The following VPS13C variants were observed in gnomAD, a reference collection of about 807,000 sequenced individuals.
VPS13C encodes vacuolar protein sorting 13 homolog C.
In VPS13C, 358 loss-of-function variants were observed where a neutral mutation model predicts 456.8. That is an observed-to-expected ratio of 0.78 (90% CI 0.72 to 0.86). VPS13C has a LOEUF of 0.86. VPS13C is among the 40% of genes least tolerant of loss of function. The probability of loss-of-function intolerance (pLI) is 0.00; values close to 1 mark genes in which losing one functional copy is unlikely to be tolerated. For synonymous variants in VPS13C, 1,578 were observed against 1,486.7 expected (o/e 1.06, Z -1.41); for missense variants, 4,818 against 4,385.4 (o/e 1.10, Z -2.79).
chr15:61,978,574 C>T (rs763848151), intron 23 of VPS13C, 52 bp downstream of exon 23: 2 of 1,583,364 alleles, frequency 1.3e-6, no homozygotes, highest in African/African-American at 1.3e-5. Flanking sequence ...ACGTATATTA[C>T]ACAAACTACC....
chr15:61,940,259 C>T (rs1166912406), intron 47 of VPS13C, among the ~76,000 whole-genome samples: 1 of 152,122 alleles, frequency 6.6e-6, no homozygotes, highest in African/African-American at 2.4e-5. Context: ...AATTTAACTG[C>T]ATTAAAACTT....
intron 48 of VPS13C, chr15:61,935,660 A>T (rs576510197): frequency 6.6e-6 from 1 of 152,336 alleles, no homozygotes; most frequent in South Asian, 2.1e-4. Flanking sequence ...GTATGGTGGC[A>T]CAAACTTCAC....
chr15:61,977,062 A>T lies in VPS13C; in HGVS notation c.2408+20T>A, dbSNP rs1273471650. 3 of 1,520,644 alleles carry T rather than the reference A, an allele frequency of 2.0e-6. No homozygotes were observed. Among genetic ancestry groups the T allele is most frequent in the Non-Finnish European group, 2.7e-6 (3 of 1,106,952 alleles). 94.2% of individuals were successfully genotyped at this position (1,520,644 alleles called of 1,614,324 possible). On this transcript the variant is annotated intron_variant, in intron 24 of 84. Transcript: ENST00000644861. Reference sequence around the variant, plus strand: ...ATTTCACCTGTTGATTTTCTAATATAAAAGAAGTTTATACATTACCTGGCC... The same window carrying T: ...ATTTCACCTGTTGATTTTCTAATATTAAAGAAGTTTATACATTACCTGGCC...
At chr15:61,857,009 TA>T (rs1472511566) in intron 82 of VPS13C, among the ~76,000 whole-genome samples, 2 of 151,702 alleles carry the variant, frequency 1.3e-5, no homozygotes, top group East Asian at 1.9e-4. Context: ...TCAATGGCAA[TA>T]AAAAAAATAA....
At chr15:61,995,089 G>A (rs1169420264) in intron 16 of VPS13C, among the ~76,000 whole-genome samples, 2 of 152,106 alleles carry the variant, frequency 1.3e-5, no homozygotes, top group African/African-American at 4.8e-5. Flanking sequence ...ATTCCCAGTC[G>A]TTCATGCTCT....
At chr15:61,954,345 G>A (rs183854815) in intron 38 of VPS13C, 76 bp downstream of exon 38, 5 of 1,479,894 alleles carry the variant, frequency 3.4e-6, no homozygotes, top group Non-Finnish European at 4.6e-6. Context: ...TCAATTATCT[G>A]TAAGTTTAGT....
chr15:61,945,583 T>G (rs1480314234), intron 45 of VPS13C, 132 bp downstream of exon 45: 1 of 575,294 alleles, frequency 1.7e-6, no homozygotes. Context: ...TCTTTAAATA[T>G]TAACATTCTG....
chr15:61,938,693 T>C (rs2044312061), intron 47 of VPS13C, among the ~76,000 whole-genome samples: 1 of 152,226 alleles, frequency 6.6e-6, no homozygotes. Flanking sequence ...CAGAGAATAC[T>C]ATAATCTTCC....
chr15:61,874,885 G>A lies in VPS13C; in HGVS notation c.10405C>T (p.His3469Tyr). 6.3e-7 allele frequency: 1 copy of A among 1,593,684 alleles called. No homozygotes were observed. The highest frequency in any genetic ancestry group is 1.7e-4 in the Middle Eastern group (1 of 5,964). ...AATATGTGATACATACCTACTGTGT[G>A]TCCAAAGAGGCTTCTCACTCCAATC... ...LVIGVRSLFG[H>Y]TVGGAAGVVS... Residue 3469 changes from histidine to tyrosine, a missense_variant, in exon 77 of 85, where the codon CAC becomes TAC. Coordinates refer to ENST00000644861, the MANE Select transcript of VPS13C (RefSeq NM_020821.3).
chr15:62,032,781 A>G (rs919922275), intron 5 of VPS13C, among the ~76,000 whole-genome samples: 2 of 151,794 alleles, frequency 1.3e-5, no homozygotes, highest in Non-Finnish European at 3.0e-5. Flanking sequence ...CCTAATCAGC[A>G]ATTGTTGATT....
chr15:61,997,430 C>A (rs547156721), intron 16 of VPS13C, among the ~76,000 whole-genome samples: 1 of 152,048 alleles, frequency 6.6e-6, no homozygotes, highest in Non-Finnish European at 1.5e-5. Context: ...CATGTGCTGA[C>A]CCTTCCTACA....
intron 45 of VPS13C, among the ~76,000 whole-genome samples, chr15:61,945,028 T>C (rs1245255354): frequency 6.6e-6 from 1 of 152,100 alleles, no homozygotes; most frequent in African/African-American, 2.4e-5. Flanking sequence ...GTTTCCCCCA[T>C]GCTGTTCTTG....
intron 69 of VPS13C, among the ~76,000 whole-genome samples, chr15:61,882,213 A>C (rs17271207): frequency 0.012 from 1,890 of 152,256 alleles, 14 homozygotes; most frequent in Middle Eastern, 0.024. Context: ...TTAACAGCTA[A>C]AAGGAAGGAA....
intron 16 of VPS13C, among the ~76,000 whole-genome samples, chr15:61,996,646 A>G (rs2046392446): frequency 6.6e-6 from 1 of 151,972 alleles, no homozygotes; most frequent in Non-Finnish European, 1.5e-5. Flanking sequence ...TGGAATCTTC[A>G]ATAGAGAAAT....
At position 61,981,487 on chromosome 15, in the gene VPS13C, G is replaced by T; in HGVS notation, c.2030-9C>A. On this transcript the variant is annotated splice_polypyrimidine_tract_variant and intron_variant, in intron 21 of 84. Coordinates refer to ENST00000644861, the MANE Select transcript of VPS13C (RefSeq NM_020821.3). ...AATAATATGTGTAAGTCCTAAAGAC[G>T]TAAGAAATAATGACAGATTAGATGG... 1.9e-6 allele frequency: 3 copies of T among 1,573,798 alleles called. No individual in the cohort carries two copies. The highest frequency in any genetic ancestry group is 1.7e-4 in the Middle Eastern group (1 of 5,786).
At chr15:62,040,415 C>T (rs2048201177) in intron 3 of VPS13C, among the ~76,000 whole-genome samples, 1 of 151,918 alleles carries the variant, frequency 6.6e-6, no homozygotes, top group East Asian at 1.9e-4. Context: ...TCATTTACCC[C>T]GATGTGATTA....
intron 79 of VPS13C, among the ~76,000 whole-genome samples, chr15:61,871,642 G>C (rs570027080): frequency 6.6e-6 from 1 of 152,140 alleles, no homozygotes; most frequent in South Asian, 2.1e-4. Context: ...TTTCTGCAAA[G>C]AAACCAACTG....
chr15:62,012,217 C>G (rs1453823413), intron 11 of VPS13C, 53 bp from the exon 12 acceptor site: 3 of 857,192 alleles, frequency 3.5e-6, no homozygotes, highest in Admixed American at 4.2e-5. Context: ...CATATTCAGA[C>G]TCAGACACAC....
chr15:61,949,440 T>C lies in VPS13C; in HGVS notation c.4759+3A>G, dbSNP rs1334918068. The stretch of plus-strand genomic sequence containing the variant: ...TATTAGATCATAATTCAAAAATTAT[T>C]ACCAGCTTTGACAGCGATACTTCTG... On this transcript the variant is annotated splice_donor_region_variant and intron_variant, in intron 42 of 84. Coordinates refer to ENST00000644861, the MANE Select transcript of VPS13C (RefSeq NM_020821.3). The C allele has an allele frequency of 6.2e-7, 1 of 1,603,934 alleles. No individual in the cohort carries two copies. The highest frequency in any genetic ancestry group is 1.3e-5 in the African/African-American group (1 of 74,218).
Sources: allele counts gnomAD v4.1 joint callset (sites outside exome capture counted in the v4.1 genomes callset), GRCh38; gene constraint gnomAD v4.1.1; transcripts MANE v1.5; gene names NCBI Gene and HGNC (gene_info 2026-07-23, HGNC 2026-07-21).